Variants in FOCAD observed in about 807,000 individuals in gnomAD.
FOCAD encodes the protein KIAA1797.
FOCAD carries 198 observed loss-of-function variants against 225.6 expected under a neutral mutation model. The observed-to-expected ratio is 0.88, with a 90% CI of 0.78 to 0.99. FOCAD has a LOEUF of 0.99. Among genes scored for constraint, FOCAD ranks in the 50% least tolerant of loss-of-function variants. The probability of loss-of-function intolerance (pLI) is 0.00; values close to 1 mark genes in which losing one functional copy is unlikely to be tolerated. For missense variants in FOCAD, 2,713 were observed against 2,123.6 expected (o/e 1.28, Z -5.46); for synonymous variants, 897 against 755.0 (o/e 1.19, Z -3.08).
Position 20,770,134 on chromosome 9 carries a change from A to C in FOCAD, c.802A>C (p.Met268Leu). The change falls in exon 8 of 44, where the codon ATG becomes CTG. Residue 268 changes from methionine (M) to leucine (L), a missense_variant. Coordinates refer to ENST00000338382, the MANE Select transcript of FOCAD (RefSeq NM_001375567.1). Reference protein sequence around the residue: ...PVFWKIQLTQMSLQLLCVSEV... With the variant: ...PVFWKIQLTQLSLQLLCVSEV... ...TTTCTGGAAAATTCAGCTTACCCAG[A>C]TGAGTCTTCAGCTGCTGTGTGTCAG... 8.1e-6 allele frequency: 13 copies of C among 1,614,104 alleles called. No individual in the cohort carries two copies. The highest frequency in any genetic ancestry group is 1.1e-5 in the Non-Finnish European group (13 of 1,179,984).
At chr9:20,981,746 C>T in intron 38 of FOCAD, 60 bp downstream of exon 38, 1 of 1,545,608 alleles carries the variant, frequency 6.5e-7, no homozygotes, top group South Asian at 1.2e-5. Flanking sequence ...TTAAAGGCTT[C>T]TTGGCAAAGT....
At chr9:20,812,495 G>GC (rs1371352867) in intron 11 of FOCAD, among the ~76,000 whole-genome samples, 2 of 151,894 alleles carry the variant, frequency 1.3e-5, no homozygotes, top group Non-Finnish European at 2.9e-5. Flanking sequence ...TTGCCAACGT[G>GC]TATGTTTTTT....
chr9:20,948,533 C>A, intron 31 of FOCAD, 140 bp downstream of exon 31: 1 of 925,898 alleles, frequency 1.1e-6, no homozygotes, highest in Non-Finnish European at 1.6e-6. Flanking sequence ...AGATCACATA[C>A]TTTTAAATCC....
chr9:20,803,816 C>G (rs994961751), intron 11 of FOCAD, among the ~76,000 whole-genome samples: 1 of 152,122 alleles, frequency 6.6e-6, no homozygotes, highest in Non-Finnish European at 1.5e-5. Flanking sequence ...GGAGTGCTGA[C>G]ATTGCTCCCT....
chr9:20,801,028 T>C (rs916783243), intron 11 of FOCAD, among the ~76,000 whole-genome samples: 1 of 152,180 alleles, frequency 6.6e-6, no homozygotes, highest in Admixed American at 6.5e-5. Context: ...GGGGTTTTGG[T>C]GTGGATGTCC....
intron 7 of FOCAD, among the ~76,000 whole-genome samples, chr9:20,766,383 A>C (rs1039785176): frequency 6.6e-6 from 1 of 152,176 alleles, no homozygotes; most frequent in Non-Finnish European, 1.5e-5. Flanking sequence ...AGACAATATA[A>C]TCCATTTACC....
intron 4 of FOCAD, among the ~76,000 whole-genome samples, chr9:20,731,289 C>G (rs1222838206): frequency 2.7e-5 from 4 of 150,072 alleles, no homozygotes; most frequent in Non-Finnish European, 5.9e-5. Flanking sequence ...CAACAAAGTA[C>G]TTCATTTCCC....
Position 20,689,668 on chromosome 9 carries a change from C to T in FOCAD, c.-33+5375C>T, listed in dbSNP as rs546209753. On this transcript the variant is annotated intron_variant, in intron 1 of 43. Coordinates refer to ENST00000338382, the MANE Select transcript of FOCAD (RefSeq NM_001375567.1). ...AAAAGCTTGGGAAGGAGTGAGAGAG[C>T]GAGTAAAGATTATTTAGAGGAGAAG... Among the ~76,000 whole-genome samples, 27 of 151,908 alleles carry T rather than the reference C, an allele frequency of 1.8e-4. 1 individual carries two copies. In the South Asian group the frequency reaches 4.0e-3, roughly 22 times the overall value.
intron 43 of FOCAD, 123 bp downstream of exon 43, chr9:20,993,451 G>T: frequency 1.3e-6 from 1 of 799,858 alleles, no homozygotes; most frequent in Non-Finnish European, 2.0e-6. Flanking sequence ...GGGACCAGAG[G>T]TGTTTTGGAT....
chr9:20,946,086 TTCATTCATTCATTC>T (rs1837150364), intron 29 of FOCAD, among the ~76,000 whole-genome samples: 8 of 87,356 alleles, frequency 9.2e-5, no homozygotes, highest in South Asian at 2.8e-4. Flanking sequence ...TATTTATTCA[TTCATTCATTCATTC>T]ATTCATTCAT....
At position 20,793,961 on chromosome 9, in the gene FOCAD, C is replaced by T. The variant is rs1272995075; in HGVS notation, c.1455+4353C>T. On this transcript the variant is annotated intron_variant, in intron 11 of 43. Transcript: ENST00000338382. ...CATACTTGTACCGTGGCCAGACAAC[C>T]TGAAGTGGAGCAGTAAGTTGACATG... Among the ~76,000 whole-genome samples the T allele has an allele frequency of 3.3e-5, 5 of 152,182 alleles. 1 individual carries two copies. The highest frequency in any genetic ancestry group is 9.7e-5 in the African/African-American group (4 of 41,448).
At chr9:20,761,783 G>A (rs1277456069) in intron 6 of FOCAD, among the ~76,000 whole-genome samples, 1 of 152,062 alleles carries the variant, frequency 6.6e-6, no homozygotes, top group Admixed American at 6.5e-5. Context: ...CCTCTGTGGT[G>A]AACTTAAATA....
At chr9:20,861,892 A>G (rs1279264738) in intron 15 of FOCAD, among the ~76,000 whole-genome samples, 2 of 152,284 alleles carry the variant, frequency 1.3e-5, no homozygotes, top group Admixed American at 1.3e-4. Flanking sequence ...AAGATATTTG[A>G]CTACCCATAA....
At chr9:20,700,758 G>A (rs1415780890) in intron 1 of FOCAD, among the ~76,000 whole-genome samples, 1 of 152,046 alleles carries the variant, frequency 6.6e-6, no homozygotes, top group Admixed American at 6.6e-5. Context: ...TTCTGTTTTG[G>A]AAAGTTTATC....
intron 3 of FOCAD, 25 bp from the exon 4 acceptor site, chr9:20,720,355 C>T (rs1313832239): frequency 1.2e-5 from 20 of 1,611,466 alleles, no homozygotes; most frequent in Non-Finnish European, 1.5e-5. Flanking sequence ...TCAGAATTGT[C>T]TTCTAATCAC....
intron 11 of FOCAD, among the ~76,000 whole-genome samples, chr9:20,800,770 TAA>T (rs1032224232): frequency 5.3e-5 from 8 of 152,258 alleles, no homozygotes; most frequent in Non-Finnish European, 1.0e-4. Context: ...TCAAGGTTTT[TAA>T]CTTCTTTGCC....
At chr9:20,808,477 C>T (rs1307722637) in intron 11 of FOCAD, among the ~76,000 whole-genome samples, 8 of 152,128 alleles carry the variant, frequency 5.3e-5, no homozygotes, top group African/African-American at 1.9e-4. Flanking sequence ...ACAAACAGTA[C>T]TTCGAGTATT....
At chr9:20,791,270 T>C (rs886078647) in intron 11 of FOCAD, among the ~76,000 whole-genome samples, 2 of 137,628 alleles carry the variant, frequency 1.5e-5, no homozygotes, top group African/African-American at 5.1e-5. Flanking sequence ...CACAGGAAAT[T>C]TGATCCAGCA....
At chr9:20,936,761 A>G (rs1217259776) in intron 28 of FOCAD, among the ~76,000 whole-genome samples, 1 of 152,108 alleles carries the variant, frequency 6.6e-6, no homozygotes, top group Non-Finnish European at 1.5e-5. Context: ...AGAAGGAAAC[A>G]AAATTAGGAA....
Sources: allele counts gnomAD v4.1 joint callset (sites outside exome capture counted in the v4.1 genomes callset), GRCh38; gene constraint gnomAD v4.1.1; transcripts MANE v1.5; gene names NCBI Gene and HGNC (gene_info 2026-07-23, HGNC 2026-07-21).